Variants in GULP1 observed in about 807,000 individuals in gnomAD.
The protein encoded by GULP1 is GULP PTB domain containing engulfment adaptor 1.
GULP1 carries 19 observed loss-of-function variants against 40.9 expected under a neutral mutation model. The observed-to-expected ratio is 0.46, with a 90% CI of 0.32 to 0.68. The LOEUF (loss-of-function observed/expected upper bound fraction) is 0.68, where lower values mean the gene tolerates loss of function less well. GULP1 is among the 30% of genes least tolerant of loss of function. The probability of loss-of-function intolerance (pLI) is 0.03; values close to 1 mark genes in which losing one functional copy is unlikely to be tolerated. For synonymous variants in GULP1, 119 were observed against 117.6 expected (o/e 1.01, Z -0.08); for missense variants, 312 against 362.2 (o/e 0.86, Z 1.12).
chr2:188,321,984 C>T (rs542425864), intron 1 of GULP1, among the ~76,000 whole-genome samples: 1 of 152,176 alleles, frequency 6.6e-6, no homozygotes, highest in East Asian at 1.9e-4. Flanking sequence ...AAGATTGTGC[C>T]ATTGCACTCC....
At chr2:188,563,195 C>A (rs1299329373) in intron 7 of GULP1, among the ~76,000 whole-genome samples, 5 of 151,800 alleles carry the variant, frequency 3.3e-5, no homozygotes, top group Admixed American at 3.3e-4. Context: ...ATTGGACAAA[C>A]AATAAAGAAA....
intron 9 of GULP1, among the ~76,000 whole-genome samples, chr2:188,570,916 G>A (rs1386829412): frequency 1.3e-5 from 2 of 152,028 alleles, no homozygotes; most frequent in African/African-American, 2.4e-5. Context: ...CCAACATTTT[G>A]GGAGGCCAAG....
intron 1 of GULP1, among the ~76,000 whole-genome samples, chr2:188,341,822 T>G (rs2043009557): frequency 6.6e-6 from 1 of 152,156 alleles, no homozygotes; most frequent in African/African-American, 2.4e-5. Context: ...AGGTTAATAC[T>G]TTGCCTAAAG....
chr2:188,372,621 T>C (rs2047745413), intron 1 of GULP1, among the ~76,000 whole-genome samples: 1 of 152,046 alleles, frequency 6.6e-6, no homozygotes, highest in Admixed American at 6.5e-5. Flanking sequence ...TTAACATCAT[T>C]TTGCAAGTGC....
chr2:188,508,481 C>T (rs2064156063), intron 4 of GULP1, among the ~76,000 whole-genome samples: 2 of 151,890 alleles, frequency 1.3e-5, no homozygotes, highest in South Asian at 4.2e-4. Flanking sequence ...CAGGTGATCA[C>T]CTCATAGCTG....
At chr2:188,517,943 C>T (rs1431287023) in intron 4 of GULP1, among the ~76,000 whole-genome samples, 9 of 152,046 alleles carry the variant, frequency 5.9e-5, no homozygotes, top group African/African-American at 2.2e-4. Context: ...AGATAGTTAA[C>T]AACTCTTCTG....
At chr2:188,569,604 TTCTCATGGG>T (rs913041931) in intron 8 of GULP1, 22 of 439,254 alleles carry the variant, frequency 5.0e-5, no homozygotes, top group African/African-American at 4.3e-4. Context: ...TTCCTGATGC[TTCTCATGGG>T]GATCAGAGCA....
intron 7 of GULP1, among the ~76,000 whole-genome samples, chr2:188,562,371 C>G (rs1359553193): frequency 6.6e-6 from 1 of 152,112 alleles, no homozygotes; most frequent in East Asian, 1.9e-4. Flanking sequence ...CTCCTGGCTC[C>G]CAGCTGATCT....
intron 7 of GULP1, among the ~76,000 whole-genome samples, chr2:188,563,490 T>A (rs937289520): frequency 1.3e-5 from 2 of 149,956 alleles, no homozygotes; most frequent in African/African-American, 4.9e-5. Context: ...CATACAAATA[T>A]TTAATATAAA....
chr2:188,318,887 T>C (rs1478636081), intron 1 of GULP1, among the ~76,000 whole-genome samples: 1 of 152,182 alleles, frequency 6.6e-6, no homozygotes, highest in African/African-American at 2.4e-5. Context: ...ACCACCTCAA[T>C]AGAGGCTCCT....
At position 188,556,433 on chromosome 2, in the gene GULP1, A is replaced by G. The variant is rs112719679; in HGVS notation, c.400-12806A>G. ...TCTCTTCAGTATTTTTCTCATTCAT[A>G]TACTGATTTGTTTTTCTGATTTCTT... On this transcript the variant is annotated intron_variant, in intron 7 of 11. Coordinates refer to ENST00000409830, the MANE Select transcript of GULP1 (RefSeq NM_016315.4). 1.1e-4 allele frequency among the ~76,000 whole-genome samples: 16 copies of G among 152,212 alleles called. No individual in the cohort carries two copies. The South Asian group carries it at 1.2e-3, about 12-fold the overall frequency.
At chr2:188,449,486 T>C (rs891130011) in intron 2 of GULP1, among the ~76,000 whole-genome samples, 1 of 152,152 alleles carries the variant, frequency 6.6e-6, no homozygotes, top group African/African-American at 2.4e-5. Flanking sequence ...GAATACTAAT[T>C]AGGTAGTGAA....
chr2:188,304,905 T>G (rs542260997), intron 1 of GULP1, among the ~76,000 whole-genome samples: 3 of 152,196 alleles, frequency 2.0e-5, no homozygotes, highest in East Asian at 3.9e-4. Context: ...AATATATGGG[T>G]TTTTTTCCCC....
intron 5 of GULP1, among the ~76,000 whole-genome samples, chr2:188,527,161 A>G (rs1686377956): frequency 6.6e-6 from 1 of 151,584 alleles, no homozygotes. Flanking sequence ...TTCCCTTCTC[A>G]ATAGATAAGT....
chr2:188,390,093 C>T (rs1191245519), intron 2 of GULP1, among the ~76,000 whole-genome samples: 1 of 152,048 alleles, frequency 6.6e-6, no homozygotes, highest in Non-Finnish European at 1.5e-5. Flanking sequence ...CATACGCATG[C>T]AGGTGTCTTT....
intron 2 of GULP1, among the ~76,000 whole-genome samples, chr2:188,393,059 T>C (rs1026022179): frequency 6.6e-6 from 1 of 152,048 alleles, no homozygotes; most frequent in Non-Finnish European, 1.5e-5. Context: ...ATTCTGTGTT[T>C]TTTGGATAGA....
chr2:188,522,083 A>G (rs2065842393), intron 4 of GULP1, among the ~76,000 whole-genome samples: 1 of 152,222 alleles, frequency 6.6e-6, no homozygotes, highest in Non-Finnish European at 1.5e-5. Flanking sequence ...CTCAAAAACA[A>G]AACCAAACTA....
At chr2:188,375,851 C>T (rs569198643) in intron 1 of GULP1, among the ~76,000 whole-genome samples, 186 of 152,054 alleles carry the variant, frequency 1.2e-3, no homozygotes, top group Non-Finnish European at 2.0e-3. Flanking sequence ...AATCCATATT[C>T]GCAGGGTTTT....
intron 2 of GULP1, among the ~76,000 whole-genome samples, chr2:188,454,074 G>C (rs368751010): frequency 6.6e-6 from 1 of 152,180 alleles, no homozygotes; most frequent in Non-Finnish European, 1.5e-5. Flanking sequence ...CAGGCCTGCC[G>C]CTGGAGGTAC....
Sources: allele counts gnomAD v4.1 joint callset (sites outside exome capture counted in the v4.1 genomes callset), GRCh38; gene constraint gnomAD v4.1.1; transcripts MANE v1.5; gene names NCBI Gene and HGNC (gene_info 2026-07-23, HGNC 2026-07-21).